The following XYLT1 variants were observed in gnomAD, a reference collection of about 807,000 sequenced individuals.
XYLT1 encodes beta-D-xylosyltransferase 1.
A neutral mutation model predicts 91.3 loss-of-function variants in XYLT1; 36 were observed. The ratio of observed to expected loss-of-function variants is 0.39; its 90% CI spans 0.30 to 0.52. The LOEUF is 0.52. XYLT1 is among the 20% of genes least tolerant of loss of function. The pLI is 0.68. For synonymous variants in XYLT1, 588 were observed against 532.0 expected, an observed-to-expected ratio of 1.11 and a Z score of -1.45; for missense variants, 1,242 against 1,284.5, an observed-to-expected ratio of 0.97 and a Z score of 0.51.
At chr16:17,177,905 G>A (rs543307607) in intron 5 of XYLT1, among the ~76,000 whole-genome samples, 90 of 152,318 alleles carry the variant, frequency 5.9e-4, no homozygotes, top group African/African-American at 2.0e-3. Context: ...AAAGATAAAC[G>A]AGCTCTGTGC....
intron 2 of XYLT1, among the ~76,000 whole-genome samples, chr16:17,274,948 G>A (rs573706216): frequency 2.6e-5 from 4 of 152,198 alleles, no homozygotes; most frequent in South Asian, 2.1e-4. Flanking sequence ...AGGCTGAGGC[G>A]TGGGAATTAC....
At chr16:17,361,930 T>C (rs2035387309) in intron 1 of XYLT1, among the ~76,000 whole-genome samples, 1 of 152,222 alleles carries the variant, frequency 6.6e-6, no homozygotes, top group South Asian at 2.1e-4. Flanking sequence ...TATGCGTGTA[T>C]CATTTCGTTT....
chr16:17,197,508 C>T (rs2032453259), intron 5 of XYLT1, among the ~76,000 whole-genome samples: 1 of 152,160 alleles, frequency 6.6e-6, no homozygotes, highest in Non-Finnish European at 1.5e-5. Context: ...AGTACTGTTT[C>T]TGGCCATGTC....
intron 1 of XYLT1, among the ~76,000 whole-genome samples, chr16:17,437,627 C>T (rs2036476987): frequency 6.6e-6 from 1 of 152,098 alleles, no homozygotes. Flanking sequence ...GAATAACAGC[C>T]TACTGTTCGT....
chr16:17,270,651 C>G (rs548810528), intron 2 of XYLT1, among the ~76,000 whole-genome samples: 4 of 152,228 alleles, frequency 2.6e-5, no homozygotes, highest in Admixed American at 6.5e-5. Context: ...TGATTACCTA[C>G]CAGGCACGGA....
chr16:17,146,230 T>C (rs2031128919), intron 6 of XYLT1, among the ~76,000 whole-genome samples: 1 of 151,704 alleles, frequency 6.6e-6, no homozygotes, highest in Admixed American at 6.6e-5. Context: ...AGACATTGGC[T>C]ACTATGGAAG....
chr16:17,134,677 A>T lies in XYLT1; in HGVS notation c.1823T>A (p.Ile608Asn). 1 of 1,614,088 alleles carries T rather than the reference A, an allele frequency of 6.2e-7. No homozygotes were observed. The highest frequency in any genetic ancestry group is 8.5e-7 in the Non-Finnish European group (1 of 1,180,012). The part of the protein sequence containing the change: ...RKFEAVVNQE[I>N]IGQLDYYLYG... ...CAGGTAATAGTCCAGCTGCCCAATG[A>T]TTTCCTGATTCACCACGGCTTCAAA... Residue 608 changes from isoleucine (I) to asparagine (N), a missense_variant, in exon 9 of 12, where the codon ATC (isoleucine) becomes AAC (asparagine). By Grantham distance (149) the Ile-to-Asn change is moderately radical (BLOSUM62 -3). Coordinates refer to ENST00000261381, the MANE Select transcript of XYLT1 (RefSeq NM_022166.4).
chr16:17,154,255 C>T (rs972668592), intron 6 of XYLT1, among the ~76,000 whole-genome samples: 5 of 152,208 alleles, frequency 3.3e-5, no homozygotes, highest in African/African-American at 9.6e-5. Context: ...TATAGAAGAG[C>T]TGGCATTTCG....
intron 5 of XYLT1, 87 bp from the exon 6 acceptor site, chr16:17,158,996 G>T: frequency 1.6e-6 from 2 of 1,214,516 alleles, no homozygotes; most frequent in Non-Finnish European, 2.4e-6. Flanking sequence ...AATTATGTCA[G>T]TCTGCTTGAA....
chr16:17,224,628 C>A (rs1488315965), intron 3 of XYLT1, among the ~76,000 whole-genome samples: 1 of 152,182 alleles, frequency 6.6e-6, no homozygotes, highest in South Asian at 2.1e-4. Context: ...GCTTCATGAA[C>A]TCTTGAAGCC....
Position 17,377,175 on chromosome 16 carries a change from T to TCA in XYLT1, c.364-19127_364-19126dup, listed in dbSNP as rs376242678. Among the ~76,000 whole-genome samples the TCA allele has an allele frequency of 1.4e-4, 21 of 150,932 alleles. No individual in the cohort carries two copies. In the South Asian group the frequency reaches 1.5e-3, roughly 11 times the overall value. On this transcript the variant is annotated intron_variant, in intron 1 of 11. Coordinates refer to ENST00000261381, the MANE Select transcript of XYLT1 (RefSeq NM_022166.4). ...CTAGGTGACAGAGTGAGACTCTGCC[T>TCA]CACACACACACACAAAATTAGGTAC...
At chr16:17,462,439 C>T (rs563967077) in intron 1 of XYLT1, among the ~76,000 whole-genome samples, 4 of 152,338 alleles carry the variant, frequency 2.6e-5, no homozygotes, top group South Asian at 4.1e-4. Flanking sequence ...ATGCCTCTGG[C>T]TTCCAATCGG....
intron 2 of XYLT1, among the ~76,000 whole-genome samples, chr16:17,319,394 C>G (rs956704669): frequency 5.9e-5 from 9 of 151,970 alleles, no homozygotes; most frequent in African/African-American, 2.2e-4. Context: ...CGCATCAGAA[C>G]ACATAGGCTG....
intron 2 of XYLT1, among the ~76,000 whole-genome samples, chr16:17,287,177 A>G (rs1378745825): frequency 6.6e-6 from 1 of 152,074 alleles, no homozygotes; most frequent in African/African-American, 2.4e-5. Flanking sequence ...ACTGAGATTC[A>G]AACCCAGGCC....
intron 1 of XYLT1, among the ~76,000 whole-genome samples, chr16:17,448,791 C>G (rs2036627547): frequency 6.6e-6 from 1 of 151,990 alleles, no homozygotes; most frequent in Non-Finnish European, 1.5e-5. Flanking sequence ...GCAGCAGCAG[C>G]AGCATGTTAT....
chr16:17,420,373 T>C (rs2036236476), intron 1 of XYLT1, among the ~76,000 whole-genome samples: 1 of 152,232 alleles, frequency 6.6e-6, no homozygotes, highest in Admixed American at 6.5e-5. Context: ...AATGGCTCAA[T>C]GGGTAAAGAA....
At position 17,103,494 on chromosome 16, in the gene XYLT1, G is replaced by A. The variant is rs980071920; in HGVS notation, c.*5201C>T. The A allele has an allele frequency of 7.2e-5, 11 of 152,230 alleles. No individual in the cohort carries two copies. The highest frequency in any genetic ancestry group is 1.6e-4 in the Non-Finnish European group (11 of 68,058). 9.4% of individuals were successfully genotyped at this position (152,230 alleles called of 1,614,324 possible). ...TAGGAGGCTGCCACAGAAGCTTCAC[G>A]ATGCTGTCTTCTCTGATGTTGGTGG... On this transcript the variant is annotated 3_prime_UTR_variant, in exon 12 of 12. Transcript: ENST00000261381.
At chr16:17,336,437 AAAG>A (rs1567380291) in intron 2 of XYLT1, among the ~76,000 whole-genome samples, 1 of 152,166 alleles carries the variant, frequency 6.6e-6, no homozygotes, top group Non-Finnish European at 1.5e-5. Flanking sequence ...GATGGAGAGG[AAAG>A]AAGCCAAAAA....
intron 6 of XYLT1, among the ~76,000 whole-genome samples, chr16:17,147,462 T>G (rs2031163773): frequency 6.6e-6 from 1 of 152,230 alleles, no homozygotes; most frequent in Non-Finnish European, 1.5e-5. Flanking sequence ...AATTTTAATG[T>G]GATGTCCCGG....
Sources: gnomAD v4.1 joint callset for allele counts (sites outside exome capture counted in the v4.1 genomes callset) on GRCh38, gnomAD v4.1.1 for gene constraint, MANE v1.5 for transcripts, NCBI Gene and HGNC (gene_info 2026-07-23, HGNC 2026-07-21) for gene names.